The following MYO1B variants were observed in gnomAD, a reference collection of about 807,000 sequenced individuals.
MYO1B encodes the protein unconventional myosin-Ib.
Under a neutral mutation model 159.7 loss-of-function variants are expected in MYO1B, and 72 were observed. The observed-to-expected ratio is 0.45, with a 90% CI of 0.37 to 0.55. The LOEUF is 0.55. Ranked by LOEUF, MYO1B falls within the 20% of genes least tolerant of loss-of-function variation. The pLI is 0.00. For synonymous variants in MYO1B, 468 were observed against 473.8 expected, an observed-to-expected ratio of 0.99 and a Z score of 0.16; for missense variants, 1,062 against 1,364.8, an observed-to-expected ratio of 0.78 and a Z score of 3.50.
chr2:191,263,268 A>G (rs997012371), intron 1 of MYO1B: 2 of 967,886 alleles, frequency 2.1e-6, no homozygotes, highest in Admixed American at 6.2e-5. Flanking sequence ...TGCTTGCAAA[A>G]TATTTGTTGT....
Position 191,409,028 on chromosome 2 carries a change from T to C in MYO1B, c.2632-16T>C. 6.3e-7 allele frequency: 1 copy of C among 1,596,746 alleles called. No individual in the cohort carries two copies. The highest frequency in any genetic ancestry group is 8.5e-7 in the Non-Finnish European group (1 of 1,174,494). On this transcript the variant is annotated splice_polypyrimidine_tract_variant and intron_variant, in intron 25 of 30. Coordinates refer to ENST00000392318, the MANE Select transcript of MYO1B (RefSeq NM_001130158.3). ...TATATTTTCCTCATGTAGTATTTTC[T>C]GTCAACCCAACACAGGTGCAAAAAT...
intron 2 of MYO1B, among the ~76,000 whole-genome samples, chr2:191,287,996 C>A (rs1688480704): frequency 6.6e-6 from 1 of 151,736 alleles, no homozygotes; most frequent in African/African-American, 2.4e-5. Flanking sequence ...GGCCTTTGTG[C>A]CTCTGTCTGT....
chr2:191,384,826 T>A (rs114548141), intron 15 of MYO1B, among the ~76,000 whole-genome samples: 9 of 152,208 alleles, frequency 5.9e-5, no homozygotes, highest in Non-Finnish European at 1.2e-4. Flanking sequence ...GCTATATGAT[T>A]GAAGAAGCTC....
intron 3 of MYO1B, among the ~76,000 whole-genome samples, chr2:191,310,807 A>C (rs1285211328): frequency 1.3e-5 from 2 of 152,208 alleles, no homozygotes; most frequent in African/African-American, 4.8e-5. Context: ...TTCAGTCATG[A>C]ACTGGAAAAA....
At chr2:191,274,368 G>A (rs944091502) in intron 1 of MYO1B, among the ~76,000 whole-genome samples, 3 of 152,136 alleles carry the variant, frequency 2.0e-5, no homozygotes, top group Non-Finnish European at 1.5e-5. Context: ...ATGGTGAAGC[G>A]GGTAATTACA....
chr2:191,383,011 A>G (rs187934442), intron 14 of MYO1B, among the ~76,000 whole-genome samples: 12 of 152,286 alleles, frequency 7.9e-5, no homozygotes, highest in East Asian at 1.9e-4. Flanking sequence ...AGTGAAGTGC[A>G]TGGGAAATTG....
At chr2:191,263,002 C>T (rs1686917286) in intron 1 of MYO1B, 2 of 152,138 alleles carry the variant, frequency 1.3e-5, no homozygotes, top group Admixed American at 6.6e-5. Flanking sequence ...AGTATTCTTT[C>T]CTCAGTTAGA....
In MYO1B at chr2:191,297,997, T is replaced by A. The variant is rs140674088; in HGVS notation, c.251+1771T>A. On this transcript the variant is annotated intron_variant, in intron 3 of 30. Coordinates refer to ENST00000392318, the MANE Select transcript of MYO1B (RefSeq NM_001130158.3). ...GAAGTGAAAGAACCTGCAGAAAGTC[T>A]CATTATGTCCTAGCAGAAAGGATTT... 1.9e-3 allele frequency among the ~76,000 whole-genome samples: 293 copies of A among 152,338 alleles called. 1 individual carries two copies. Among genetic ancestry groups the A allele is most frequent in the African/African-American group, 6.8e-3 (282 of 41,572 alleles).
rs1036289167 is a variant in MYO1B, at chr2:191,370,087, A to AT, written c.1120-134dup. 1.4e-5 allele frequency: 9 copies of AT among 621,518 alleles called. No individual in the cohort carries two copies. The Admixed American group carries it at 2.5e-4, about 17-fold the overall frequency. 38.5% of individuals were successfully genotyped at this position (621,518 alleles called of 1,614,324 possible). On this transcript the variant is annotated intron_variant, in intron 12 of 30. Transcript: ENST00000392318. ...TCTATACCAATGCCTCATCTCATACATTTTTTAAAAAACAACTAAATTAGT... is the reference window on the plus strand; with the variant it reads ...TCTATACCAATGCCTCATCTCATACATTTTTTTAAAAAACAACTAAATTAGT...
intron 2 of MYO1B, among the ~76,000 whole-genome samples, chr2:191,285,974 C>T (rs1347850493): frequency 6.6e-6 from 1 of 152,170 alleles, no homozygotes; most frequent in Non-Finnish European, 1.5e-5. Flanking sequence ...GACCAAGTCA[C>T]TGTTCTCCGT....
Position 191,376,628 on chromosome 2 carries a change from A to C in MYO1B, c.1186-4834A>C, listed in dbSNP as rs531846521. 2.0e-5 allele frequency among the ~76,000 whole-genome samples: 3 copies of C among 152,320 alleles called. No individual in the cohort carries two copies. The East Asian group carries it at 5.8e-4, about 29-fold the overall frequency. Reference sequence around the variant, plus strand: ...CCCAAGCCAGCATGTTATATTCAAAATTTGACCTCAAATCAAAGTGCTGAA... The same window carrying C: ...CCCAAGCCAGCATGTTATATTCAAACTTTGACCTCAAATCAAAGTGCTGAA... On this transcript the variant is annotated intron_variant, in intron 13 of 30. Transcript: ENST00000392318.
At chr2:191,397,202 T>A (rs544350216) in intron 21 of MYO1B, among the ~76,000 whole-genome samples, 29 of 147,956 alleles carry the variant, frequency 2.0e-4, no homozygotes, top group African/African-American at 6.9e-4. Flanking sequence ...ATTTTATTTA[T>A]TTTTTTTTAA....
At chr2:191,291,049 T>C (rs941931605) in intron 2 of MYO1B, among the ~76,000 whole-genome samples, 16 of 152,310 alleles carry the variant, frequency 1.1e-4, no homozygotes, top group African/African-American at 3.6e-4. Flanking sequence ...CCCTACATCA[T>C]TGAAGTAGAA....
chr2:191,331,399 A>G (rs1574445353), intron 4 of MYO1B, among the ~76,000 whole-genome samples: 1 of 152,208 alleles, frequency 6.6e-6, no homozygotes, highest in African/African-American at 2.4e-5. Flanking sequence ...GATTTGTTGT[A>G]CAGGTTCAGC....
Position 191,273,114 on chromosome 2 carries a change from T to G in MYO1B, c.-9-3773T>G, listed in dbSNP as rs147929616. The stretch of plus-strand genomic sequence containing the variant: ...CCAGTACTAATAATTCTAGGTAATT[T>G]TCTTTTTCTCTTTTTTTCTTTTGAG... On this transcript the variant is annotated intron_variant, in intron 1 of 30. Coordinates refer to ENST00000392318, the MANE Select transcript of MYO1B (RefSeq NM_001130158.3). 9.9e-5 allele frequency among the ~76,000 whole-genome samples: 15 copies of G among 152,216 alleles called. No homozygotes were observed. In the East Asian group the frequency reaches 2.9e-3, roughly 29 times the overall value.
intron 24 of MYO1B, chr2:191,407,782 A>G: frequency 6.2e-6 from 1 of 162,040 alleles, no homozygotes; most frequent in Non-Finnish European, 1.3e-5. Flanking sequence ...TGAAGAGAAC[A>G]TTATTTTATA....
chr2:191,284,222 C>T (rs576384416), intron 2 of MYO1B, among the ~76,000 whole-genome samples: 2 of 152,270 alleles, frequency 1.3e-5, no homozygotes, highest in South Asian at 4.1e-4. Flanking sequence ...AATTCTGTGG[C>T]CAGTTCAACT....
Position 191,387,360 on chromosome 2 carries a change from T to G in MYO1B, c.1691T>G (p.Leu564Arg). The stretch of plus-strand genomic sequence containing the variant: ...GAAGGGAATCCCGCCAAGATCAACC[T>G]GAAAAGGCCTCCTACAGCAGGCTCA... ...FPEGNPAKIN[L>R]KRPPTAGSQF... Residue 564 changes from leucine to arginine, a missense_variant, in exon 17 of 31, where the codon CTG (leucine) becomes CGG (arginine). Leu to Arg is a moderately radical substitution (Grantham distance 102). Transcript: ENST00000392318. 1 of 1,614,170 alleles carries G rather than the reference T, an allele frequency of 6.2e-7. No homozygotes were observed. The highest frequency in any genetic ancestry group is 8.5e-7 in the Non-Finnish European group (1 of 1,180,022).
intron 3 of MYO1B, among the ~76,000 whole-genome samples, chr2:191,300,639 C>CTTTTTTTT (rs1233709923): frequency 0.62 from 41,067 of 66,310 alleles, 15,277 homozygotes; most frequent in East Asian, 0.78. Context: ...TGTGCGCAGC[C>CTTTTTTTT]TTTTTTTTTT....
Sources: allele counts gnomAD v4.1 joint callset (sites outside exome capture counted in the v4.1 genomes callset), GRCh38; gene constraint gnomAD v4.1.1; transcripts MANE v1.5; gene names NCBI Gene and HGNC (gene_info 2026-07-23, HGNC 2026-07-21).